The following TBC1D9 variants were observed in gnomAD, a reference collection of about 807,000 sequenced individuals.
TBC1D9 encodes the protein TBC1 domain family member 9A.
In TBC1D9, 63 loss-of-function variants were observed where a neutral mutation model predicts 132.0. That is an observed-to-expected ratio of 0.48 (90% confidence interval 0.39 to 0.59). The LOEUF is 0.59. Among genes scored for constraint, TBC1D9 ranks in the 20% least tolerant of loss-of-function variants. TBC1D9 has a pLI of 0.00. For synonymous variants in TBC1D9, 610 were observed against 609.9 expected, an observed-to-expected ratio of 1.00 and a Z score of 0.00; for missense variants, 1,261 against 1,592.7, an observed-to-expected ratio of 0.79 and a Z score of 3.54.
intron 1 of TBC1D9, among the ~76,000 whole-genome samples, chr4:140,716,919 T>C (rs1214282022): frequency 7.8e-6 from 1 of 128,646 alleles, no homozygotes; most frequent in Non-Finnish European, 1.7e-5. Context: ...TAATGGGGGC[T>C]GTAAAAAAAA....
Position 140,706,544 on chromosome 4 carries a change from G to T in TBC1D9, c.131-4930C>A, listed in dbSNP as rs1033311845. 2.6e-5 allele frequency among the ~76,000 whole-genome samples: 4 copies of T among 151,274 alleles called. No homozygotes were observed. Among genetic ancestry groups the T allele is most frequent in the African/African-American group, 9.7e-5 (4 of 41,192 alleles). ...ACTTTTTTAACACTTTGCCTTACCT[G>T]CTTCCGATCTATTTTTTTTTTTAAC... On this transcript the variant is annotated intron_variant, in intron 1 of 20. Coordinates refer to ENST00000442267, the MANE Select transcript of TBC1D9 (RefSeq NM_015130.3). This position sits in a 1 kb window ranked among gnomAD's most constrained non-coding sequence, Gnocchi z 4.0.
intron 1 of TBC1D9, among the ~76,000 whole-genome samples, chr4:140,734,000 A>T (rs1738637808): frequency 6.6e-6 from 1 of 151,610 alleles, no homozygotes; most frequent in South Asian, 2.1e-4. Flanking sequence ...CTCCATGTGG[A>T]CAAGGCTCTT....
At chr4:140,636,657 C>G (rs1481853974) in intron 15 of TBC1D9, among the ~76,000 whole-genome samples, 3 of 152,138 alleles carry the variant, frequency 2.0e-5, no homozygotes, top group African/African-American at 4.8e-5. Context: ...TCCCAAGTAC[C>G]TGGGATTACA....
At chr4:140,697,614 A>G (rs1737990472) in intron 2 of TBC1D9, among the ~76,000 whole-genome samples, 1 of 152,256 alleles carries the variant, frequency 6.6e-6, no homozygotes, top group South Asian at 2.1e-4. Context: ...CAGCATTCAC[A>G]GCGTAGTGTT....
intron 1 of TBC1D9, among the ~76,000 whole-genome samples, chr4:140,714,024 C>A (rs1738291153): frequency 6.6e-6 from 1 of 152,072 alleles, no homozygotes; most frequent in Admixed American, 6.5e-5. Flanking sequence ...AATCGGTAAC[C>A]CTTGGCATAA....
chr4:140,741,797 A>G (rs1362889420), intron 1 of TBC1D9, among the ~76,000 whole-genome samples: 1 of 152,196 alleles, frequency 6.6e-6, no homozygotes, highest in African/African-American at 2.4e-5. Context: ...TCTACATAAT[A>G]AAAATCTTGA....
intron 1 of TBC1D9, among the ~76,000 whole-genome samples, chr4:140,723,750 C>T (rs1480454583): frequency 6.6e-6 from 1 of 152,004 alleles, no homozygotes; most frequent in Non-Finnish European, 1.5e-5. Context: ...ATTTTTAATT[C>T]ATATTTATTT....
chr4:140,641,104 A>AAAAAAAAAAAAAAAAAG (rs1736984327), intron 13 of TBC1D9, among the ~76,000 whole-genome samples: 1 of 50,882 alleles, frequency 2.0e-5, no homozygotes, highest in Non-Finnish European at 3.8e-5. Context: ...AAAAAAAAAA[A>AAAAAAAAAAAAAAAAAG]CAAAAAAAAA....
intron 3 of TBC1D9, among the ~76,000 whole-genome samples, chr4:140,680,589 C>A (rs1737688282): frequency 1.3e-5 from 2 of 152,080 alleles, no homozygotes; most frequent in African/African-American, 4.8e-5. Context: ...ACTTTGTAAT[C>A]CTCAAATCCC....
chr4:140,720,623 G>A (rs1227137280), intron 1 of TBC1D9, among the ~76,000 whole-genome samples: 5 of 152,186 alleles, frequency 3.3e-5, no homozygotes, highest in African/African-American at 9.6e-5. Flanking sequence ...GCTGTGGCCC[G>A]TCAGGGCCAG....
intron 1 of TBC1D9, among the ~76,000 whole-genome samples, chr4:140,738,624 C>G (rs967868172): frequency 1.3e-5 from 2 of 152,204 alleles, no homozygotes; most frequent in Non-Finnish European, 2.9e-5. Flanking sequence ...CTGTTTTAGA[C>G]ACTTTTTGGC....
At chr4:140,687,343 CATATATAT>C (rs200090051) in intron 2 of TBC1D9, among the ~76,000 whole-genome samples, 718 of 37,542 alleles carry the variant, frequency 0.019, 2 homozygotes, top group East Asian at 0.038. Flanking sequence ...GTGTGTGTGT[CATATATAT>C]ATATATATAT....
At chr4:140,637,654 C>G (rs572525452) in intron 15 of TBC1D9, among the ~76,000 whole-genome samples, 1 of 152,214 alleles carries the variant, frequency 6.6e-6, no homozygotes, top group African/African-American at 2.4e-5. Flanking sequence ...GGATCTCCAA[C>G]TTACACTATG....
intron 6 of TBC1D9, among the ~76,000 whole-genome samples, chr4:140,675,408 A>G (rs1243575854): frequency 1.3e-5 from 2 of 152,184 alleles, no homozygotes; most frequent in African/African-American, 4.8e-5. Context: ...GCCTCTGGCC[A>G]CCTTAGCTTC....
intron 13 of TBC1D9, among the ~76,000 whole-genome samples, chr4:140,646,057 T>C (rs2110985308): frequency 6.6e-6 from 1 of 152,368 alleles, no homozygotes; most frequent in East Asian, 1.9e-4. Flanking sequence ...ACTTACTCTA[T>C]GGCAGAGACT....
intron 2 of TBC1D9, among the ~76,000 whole-genome samples, chr4:140,687,317 A>T (rs1737794844): frequency 1.4e-5 from 1 of 71,010 alleles, no homozygotes. Flanking sequence ...TGCCATATAT[A>T]TATATGTGTG....
intron 2 of TBC1D9, among the ~76,000 whole-genome samples, chr4:140,691,423 A>G (rs183951456): frequency 5.9e-5 from 9 of 152,328 alleles, no homozygotes; most frequent in Non-Finnish European, 8.8e-5. Flanking sequence ...AAGTGAGATA[A>G]TATGAAGCTC....
chr4:140,705,524 G>A (rs1222857058), intron 1 of TBC1D9, among the ~76,000 whole-genome samples: 1 of 151,650 alleles, frequency 6.6e-6, no homozygotes, highest in Non-Finnish European at 1.5e-5. Flanking sequence ...GTGTGTGTGT[G>A]TGTGTGTGTG....
intron 9 of TBC1D9, among the ~76,000 whole-genome samples, chr4:140,668,480 CT>C (rs1737481816): frequency 6.6e-6 from 1 of 152,134 alleles, no homozygotes; most frequent in Admixed American, 6.5e-5. Context: ...ACACCTGGGC[CT>C]TTTTATTCCT....
Sources: allele counts gnomAD v4.1 joint callset (sites outside exome capture counted in the v4.1 genomes callset), GRCh38; gene constraint gnomAD v4.1.1; non-coding constraint Gnocchi (gnomAD v3.1); transcripts MANE v1.5; gene names NCBI Gene and HGNC (gene_info 2026-07-23, HGNC 2026-07-21).